The following FANCM variants were observed in gnomAD, a reference collection of about 807,000 sequenced individuals.
FANCM encodes FA complementation group M.
Under a neutral mutation model 199.5 loss-of-function variants are expected in FANCM, and 140 were observed. The ratio of observed to expected loss-of-function variants is 0.70; its 90% CI spans 0.61 to 0.81. The LOEUF is 0.81. FANCM is among the 30% of genes least tolerant of loss of function. The pLI, the probability that FANCM is intolerant of heterozygous loss-of-function variation, is 0.00. For missense variants in FANCM, 2,410 were observed against 2,421.4 expected, an observed-to-expected ratio of 1.00 and a Z score of 0.10; for synonymous variants, 840 against 836.8, an observed-to-expected ratio of 1.00 and a Z score of -0.07.
At chr14:45,170,089 C>G (rs1052615309) in intron 11 of FANCM, among the ~76,000 whole-genome samples, 17 of 152,068 alleles carry the variant, frequency 1.1e-4, no homozygotes, top group Non-Finnish European at 2.1e-4. Flanking sequence ...CTTAGGCAAC[C>G]AAATGAAAAG....
In FANCM at chr14:45,175,945, G is replaced by A. The variant is rs1003621377; in HGVS notation, c.3191G>A (p.Ser1064Asn). 4 of 1,613,224 alleles carry A rather than the reference G, an allele frequency of 2.5e-6. No individual in the cohort carries two copies. In the African/African-American group the frequency reaches 5.3e-5, roughly 22 times the overall value. ...TGTATAAATTATCCATCTGAAAAAA[G>A]TTGCCTTTATGATATACCTAATGAT... ...LKCINYPSEKSCLYDIPNDNI... is the reference protein window; with the variant it reads ...LKCINYPSEKNCLYDIPNDNI... Residue 1064 changes from serine (S) to asparagine (N), a missense_variant, in exon 14 of 23, where the codon AGT becomes AAT. Physicochemically the swap from Ser to Asn is conservative, Grantham distance 46. Coordinates refer to ENST00000267430, the MANE Select transcript of FANCM (RefSeq NM_020937.4).
At chr14:45,164,738 A>T (rs1887846475) in intron 10 of FANCM, among the ~76,000 whole-genome samples, 173 bp downstream of exon 10, 1 of 152,146 alleles carries the variant, frequency 6.6e-6, no homozygotes, top group South Asian at 2.1e-4. Flanking sequence ...TTTTGACTGG[A>T]GTCAGTTTGC....
intron 3 of FANCM, among the ~76,000 whole-genome samples, chr14:45,142,049 C>G (rs1305427941): frequency 6.6e-6 from 1 of 152,018 alleles, no homozygotes; most frequent in East Asian, 1.9e-4. Flanking sequence ...TTTAGATTGC[C>G]AGAAAAATTG....
chr14:45,184,034 T>A (rs1889233690), intron 17 of FANCM, 132 bp downstream of exon 17: 2 of 620,468 alleles, frequency 3.2e-6, no homozygotes, highest in Admixed American at 3.4e-5. Context: ...CCCATTTAGA[T>A]TTTTTTTACT....
At position 45,154,024 on chromosome 14, in the gene FANCM, C is replaced by A; in HGVS notation, c.1155C>A (p.Phe385Leu). The A allele has an allele frequency of 6.4e-7, 1 of 1,567,076 alleles. No individual in the cohort carries two copies. Among genetic ancestry groups the A allele is most frequent in the Non-Finnish European group, 8.8e-7 (1 of 1,137,464 alleles). Residue 385 changes from phenylalanine (F) to leucine (L), a missense_variant, in exon 6 of 23, where the codon TTC becomes TTA. Transcript: ENST00000267430. Reference protein sequence around the residue: ...QQMGMRSLYFFLCGIMDGTKG... With the variant: ...QQMGMRSLYFLLCGIMDGTKG... ...TGGGAATGAGATCATTATATTTCTT[C>A]CTTTGTGGAATTATGGATGGAACTA...
chr14:45,156,916 C>CA (rs535786477), intron 8 of FANCM, among the ~76,000 whole-genome samples: 5,268 of 45,254 alleles, frequency 0.12, 282 homozygotes, highest in African/African-American at 0.2. Flanking sequence ...GACTCTGTCT[C>CA]AAAAAAAAAA....
At position 45,176,462 on chromosome 14, in the gene FANCM, C is replaced by T. The variant is rs1354731442; in HGVS notation, c.3708C>T (p.Phe1236=). The change falls in exon 14 of 23, where the codon TTC becomes TTT. Residue 1236 remains phenylalanine (F), a synonymous_variant. Coordinates refer to ENST00000267430, the MANE Select transcript of FANCM (RefSeq NM_020937.4). ...DLFSVTFDLG[F]CSPDSDDEIL... ...TTTCTGTTACCTTTGATTTAGGATT[C>T]TGTAGTCCAGATTCTGATGATGAAA... is the stretch of plus-strand genomic sequence containing the variant. 1 of 1,611,950 alleles carries T rather than the reference C, an allele frequency of 6.2e-7. No individual in the cohort carries two copies.
chr14:45,160,007 T>G (rs938926076), intron 9 of FANCM, among the ~76,000 whole-genome samples: 7 of 149,986 alleles, frequency 4.7e-5, no homozygotes, highest in South Asian at 2.1e-4. Context: ...TTTTTGTTTT[T>G]TTTTTTTTTT....
At chr14:45,191,126 A>G (rs1186591339) in intron 20 of FANCM, among the ~76,000 whole-genome samples, 2 of 152,188 alleles carry the variant, frequency 1.3e-5, no homozygotes, top group Admixed American at 6.5e-5. Context: ...GCTTTTTCAT[A>G]TATGACGTGT....
At chr14:45,187,272 A>G (rs1412449332) in intron 18 of FANCM, among the ~76,000 whole-genome samples, 2 of 151,084 alleles carry the variant, frequency 1.3e-5, no homozygotes, top group Non-Finnish European at 2.9e-5. Context: ...ATCATGTCTC[A>G]AGTACCTTTC....
At chr14:45,148,772 T>C in intron 3 of FANCM, 65 bp from the exon 4 acceptor site, 1 of 1,059,856 alleles carries the variant, frequency 9.4e-7, no homozygotes. Context: ...TTTATTTCTG[T>C]TAGTGACTTA....
chr14:45,188,746 A>T, intron 19 of FANCM, 56 bp from the exon 20 acceptor site: 2 of 1,299,176 alleles, frequency 1.5e-6, no homozygotes, highest in Non-Finnish European at 2.2e-6. Flanking sequence ...AGTATATTTT[A>T]AATACCTGTT....
intron 19 of FANCM, 48 bp downstream of exon 19, chr14:45,187,935 A>G (rs965583409): frequency 7.0e-5 from 67 of 952,316 alleles, no homozygotes; most frequent in Non-Finnish European, 1.1e-4. Context: ...GATGATGTTG[A>G]AATATGTTCC....
In FANCM at chr14:45,170,495, C is replaced by T. The variant is rs548293422; in HGVS notation, c.2003-94C>T. ...GAGTTATGAATGTGCTGTTGCACTC[C>T]AACCTGGGTGACAGAGTTTGAATGG... On this transcript the variant is annotated intron_variant, in intron 11 of 22. Transcript: ENST00000267430. 6.7e-6 allele frequency: 6 copies of T among 889,336 alleles called. No homozygotes were observed. In the African/African-American group the frequency reaches 8.4e-5, roughly 12 times the overall value. The allele number at this position is 889,336 out of a possible 1,614,324, so 55.1% of individuals were successfully genotyped here.
intron 7 of FANCM, 77 bp from the exon 8 acceptor site, chr14:45,155,296 A>T (rs1887099551): frequency 1.5e-6 from 1 of 661,610 alleles, no homozygotes; most frequent in Admixed American, 2.7e-5. Context: ...ATTGGAAAAG[A>T]TAACTTTCAT....
At chr14:45,154,142 TG>T in intron 6 of FANCM, 90 bp downstream of exon 6, 1 of 994,442 alleles carries the variant, frequency 1.0e-6, no homozygotes, top group African/African-American at 1.6e-5. Flanking sequence ...GGCTCATTTC[TG>T]TAATCCCAGC....
intron 4 of FANCM, 47 bp downstream of exon 4, chr14:45,149,042 A>G: frequency 7.4e-7 from 1 of 1,356,196 alleles, no homozygotes; most frequent in South Asian, 1.2e-5. Context: ...TAAACTGGTA[A>G]TTGAATTATT....
rs1888683101 is a variant in FANCM at position 45,176,217 on chromosome 14, A to G, written c.3463A>G (p.Lys1155Glu). 1.1e-5 allele frequency: 18 copies of G among 1,613,972 alleles called. No individual in the cohort carries two copies. The highest frequency in any genetic ancestry group is 1.4e-5 in the Non-Finnish European group (16 of 1,179,952). Residue 1155 changes from lysine (K) to glutamate (E), a missense_variant, in exon 14 of 23, where the codon AAA becomes GAA. By Grantham distance (56) the Lys-to-Glu change is moderately conservative. Transcript: ENST00000267430. ...TGTGAGTCTTTCACCCTTGAACAGT[A>G]AAAGCGAATCTTTACCTGTGTCAGA... is the stretch of plus-strand genomic sequence containing the variant. ...DDVSLSPLNS[K>E]SESLPVSDKT...
intron 1 of FANCM, among the ~76,000 whole-genome samples, chr14:45,136,833 A>G (rs970140918): frequency 6.6e-6 from 1 of 152,206 alleles, no homozygotes; most frequent in African/African-American, 2.4e-5. Flanking sequence ...GCCTCTCTTC[A>G]AATATGCCAT....
Sources: allele counts gnomAD v4.1 joint callset (sites outside exome capture counted in the v4.1 genomes callset), GRCh38; gene constraint gnomAD v4.1.1; transcripts MANE v1.5; gene names NCBI Gene and HGNC (gene_info 2026-07-23, HGNC 2026-07-21).